The following CNOT2 variants were observed in gnomAD, a reference collection of about 807,000 sequenced individuals.
The protein encoded by CNOT2 is CCR4-NOT transcription complex subunit 2.
A neutral mutation model predicts 72.1 loss-of-function variants in CNOT2; 7 were observed. The observed-to-expected ratio is 0.10, with a 90% CI of 0.06 to 0.18. The LOEUF (loss-of-function observed/expected upper bound fraction) is 0.18. CNOT2 is among the 10% of genes least tolerant of loss of function. The pLI is 1.00. For missense variants in CNOT2, 345 were observed against 660.3 expected (o/e 0.52, Z 5.23); for synonymous variants, 196 against 225.6 (o/e 0.87, Z 1.17).
chr12:70,296,385 G>A (rs1872795421), intron 2 of CNOT2, among the ~76,000 whole-genome samples: 1 of 152,024 alleles, frequency 6.6e-6, no homozygotes. Context: ...GTATCTACAT[G>A]TTAACTATCT....
intron 1 of CNOT2, among the ~76,000 whole-genome samples, chr12:70,275,961 T>G (rs1489674091): frequency 6.6e-6 from 1 of 152,074 alleles, no homozygotes; most frequent in Non-Finnish European, 1.5e-5. Flanking sequence ...TCTTTTTTGT[T>G]TATTAAAAGG....
At chr12:70,337,252 T>C in intron 8 of CNOT2, 137 bp from the exon 9 acceptor site, 1 of 603,534 alleles carries the variant, frequency 1.7e-6, no homozygotes, top group Non-Finnish European at 2.8e-6. Context: ...TGGATACTAA[T>C]TTTTTGAAGT....
intron 2 of CNOT2, among the ~76,000 whole-genome samples, chr12:70,298,649 A>G (rs577523063): frequency 2.0e-5 from 3 of 152,206 alleles, no homozygotes; most frequent in Non-Finnish European, 4.4e-5. Context: ...GTATAAAACA[A>G]GAGTCCTAAT....
At chr12:70,265,321 T>TTCTCTTCTCTTCTCG (rs796521434) in intron 1 of CNOT2, among the ~76,000 whole-genome samples, 8,203 of 146,732 alleles carry the variant, frequency 0.056, 318 homozygotes, top group Admixed American at 0.095. Context: ...TTCTCTTCTC[T>TTCTCTTCTCTTCTCG]TCTCTTTCTT....
chr12:70,253,147 A>G (rs756220149), intron 1 of CNOT2, among the ~76,000 whole-genome samples: 1 of 152,240 alleles, frequency 6.6e-6, no homozygotes, highest in Non-Finnish European at 1.5e-5. Context: ...CAGGGCACAT[A>G]ATAGGCATTT....
chr12:70,265,328 T>TCTTCTCTTCTCTTCTCTTCTCTTC (rs1565743571), intron 1 of CNOT2, among the ~76,000 whole-genome samples: 1 of 49,234 alleles, frequency 2.0e-5, no homozygotes, highest in African/African-American at 5.5e-5. Context: ...CTCTTCTCTT[T>TCTTCTCTTCTCTTCTCTTCTCTTC]CTTTCTTTTT....
At position 70,252,118 on chromosome 12, in the gene CNOT2, A is replaced by T. The variant is rs1958168346; in HGVS notation, c.-96+8638A>T. Among the ~76,000 whole-genome samples the T allele has an allele frequency of 2.6e-5, 4 of 152,334 alleles. No individual in the cohort carries two copies. In the South Asian group the frequency reaches 8.3e-4, roughly 32 times the overall value. ...ATTGACATGCAGAAACAAATCCTAA[A>T]TTAATGTTTTTAAAGAGAAAGAATT... is the stretch of plus-strand genomic sequence containing the variant. On this transcript the variant is annotated intron_variant, in intron 1 of 15. Transcript: ENST00000229195.
rs1883203191 is a variant in CNOT2 at position 70,354,025 on chromosome 12, AT to A, written c.*112del. 3.4e-6 allele frequency: 5 copies of A among 1,451,824 alleles called. No individual in the cohort carries two copies. Among genetic ancestry groups the A allele is most frequent in the Admixed American group, 2.9e-5 (1 of 34,744 alleles). The allele number at this position is 1,451,824 out of a possible 1,614,324, so 89.9% of individuals were successfully genotyped here. Reference sequence around the variant, plus strand: ...ATGTGGCTCAGGCACCCTGGTTTTAATTCCTTGAGGATCTGGCAATTGGCTT... The same window carrying A: ...ATGTGGCTCAGGCACCCTGGTTTTAATCCTTGAGGATCTGGCAATTGGCTT... On this transcript the variant is annotated 3_prime_UTR_variant, in exon 16 of 16. Coordinates refer to ENST00000229195, the MANE Select transcript of CNOT2 (RefSeq NM_014515.7).
intron 4 of CNOT2, among the ~76,000 whole-genome samples, chr12:70,329,050 C>T (rs1879529606): frequency 6.6e-6 from 1 of 151,838 alleles, no homozygotes; most frequent in African/African-American, 2.4e-5. Flanking sequence ...CATAAAAACA[C>T]ATTACTGCAA....
intron 1 of CNOT2, among the ~76,000 whole-genome samples, chr12:70,267,881 A>T (rs754138052): frequency 6.6e-6 from 1 of 152,250 alleles, no homozygotes; most frequent in Non-Finnish European, 1.5e-5. Flanking sequence ...GTTAGTTTAT[A>T]TATTGTCTCT....
intron 1 of CNOT2, among the ~76,000 whole-genome samples, chr12:70,245,349 A>G (rs1225850301): frequency 6.6e-6 from 1 of 152,050 alleles, no homozygotes; most frequent in Non-Finnish European, 1.5e-5. Context: ...TTTCTCTCAT[A>G]TTTTCTGAGA....
intron 2 of CNOT2, among the ~76,000 whole-genome samples, chr12:70,292,235 T>C (rs1055027407): frequency 2.2e-4 from 33 of 152,324 alleles, no homozygotes; most frequent in Non-Finnish European, 1.2e-4. Context: ...GTGATGTGGC[T>C]TTCAGAATGC....
At chr12:70,328,778 T>C (rs1879473620) in intron 4 of CNOT2, among the ~76,000 whole-genome samples, 1 of 151,620 alleles carries the variant, frequency 6.6e-6, no homozygotes, top group Non-Finnish European at 1.5e-5. Context: ...CCAGGGGTAC[T>C]AGATAAATAC....
At chr12:70,322,275 A>G (rs1878422421) in intron 4 of CNOT2, 3 of 151,870 alleles carry the variant, frequency 2.0e-5, no homozygotes, top group Non-Finnish European at 4.4e-5. Flanking sequence ...GTTTCCAAGA[A>G]TGATCAGTGG....
intron 11 of CNOT2, among the ~76,000 whole-genome samples, chr12:70,339,112 A>C (rs1379177191): frequency 2.0e-5 from 3 of 149,826 alleles, no homozygotes; most frequent in Admixed American, 6.7e-5. Flanking sequence ...ACACACACAC[A>C]CCTTCCAGAA....
chr12:70,250,116 ACT>A (rs1489182504), intron 1 of CNOT2, among the ~76,000 whole-genome samples: 3 of 152,134 alleles, frequency 2.0e-5, no homozygotes, highest in Admixed American at 1.3e-4. Context: ...TGTGTATATG[ACT>A]CATCCTAAAA....
At chr12:70,348,184 T>C (rs1882440231) in intron 15 of CNOT2, 1 of 152,236 alleles carries the variant, frequency 6.6e-6, no homozygotes, top group African/African-American at 2.4e-5. Flanking sequence ...TTTACTGCTA[T>C]TGTTTTTATC....
At chr12:70,309,692 C>T (rs1169758715) in intron 2 of CNOT2, among the ~76,000 whole-genome samples, 1 of 152,044 alleles carries the variant, frequency 6.6e-6, no homozygotes, top group African/African-American at 2.4e-5. Context: ...TGTGAAAAGA[C>T]ATAGTCACCT....
chr12:70,266,153 C>A (rs1053575318), intron 1 of CNOT2, among the ~76,000 whole-genome samples: 1 of 151,916 alleles, frequency 6.6e-6, no homozygotes, highest in Admixed American at 6.6e-5. Flanking sequence ...GTTGCCCAGG[C>A]TGGAGTGCAA....
Sources: gnomAD v4.1 joint callset for allele counts (sites outside exome capture counted in the v4.1 genomes callset) on GRCh38, gnomAD v4.1.1 for gene constraint, MANE v1.5 for transcripts, NCBI Gene and HGNC (gene_info 2026-07-23, HGNC 2026-07-21) for gene names.